The following IL5RA variants were observed in gnomAD, a reference collection of about 807,000 sequenced individuals.
IL5RA encodes interleukin-5 receptor subunit alpha.
IL5RA carries 49 observed loss-of-function variants against 50.0 expected under a neutral mutation model. The observed-to-expected ratio is 0.98, with a 90% CI of 0.78 to 1.24. The LOEUF is 1.24. Among genes scored for constraint, IL5RA ranks in the 50% most tolerant of loss-of-function variants. The pLI is 0.00. For synonymous variants in IL5RA, 202 were observed against 174.0 expected (o/e 1.16, Z -1.26); for missense variants, 600 against 500.4 (o/e 1.20, Z -1.90).
rs533539594 is a variant in IL5RA, at chr3:3,066,428, C to A, written c.*3797G>T. 1.3e-5 allele frequency: 2 copies of A among 152,066 alleles called. No individual in the cohort carries two copies. The highest frequency in any genetic ancestry group is 2.9e-5 in the Non-Finnish European group (2 of 67,996). 9.4% of individuals were successfully genotyped at this position (152,066 alleles called of 1,614,324 possible). On this transcript the variant is annotated 3_prime_UTR_variant, in exon 12 of 12. Transcript: ENST00000446632. ...AGCATGATTGTCTTATAGTACAATA[C>A]AAAATTCCAAAGGAAGGAATGGTTT...
rs761645832 is a variant in IL5RA, at chr3:3,092,313, G to C, written c.905C>G (p.Ser302Cys). ...TGCTCTCACTTGAACATCGTACTTA[G>C]AAAGATCATCAATTATTGAGATGAA... ...NAFISIIDDL[S>C]KYDVQVRAAV... The change falls in exon 9 of 12, where the codon TCT becomes TGT. Residue 302 changes from serine to cysteine, a missense_variant. By Grantham distance (112) the Ser-to-Cys change is moderately radical. Coordinates refer to ENST00000446632, the MANE Select transcript of IL5RA (RefSeq NM_175726.4). The surrounding 1 kb of genome is among the most constrained non-coding windows in gnomAD (Gnocchi z 4.2). 1 of 1,613,910 alleles carries C rather than the reference G, an allele frequency of 6.2e-7. No homozygotes were observed. The highest frequency in any genetic ancestry group is 8.5e-7 in the Non-Finnish European group (1 of 1,179,950).
intron 9 of IL5RA, chr3:3,090,313 C>A: frequency 1.6e-6 from 2 of 1,269,558 alleles, no homozygotes; most frequent in Admixed American, 2.1e-5. Context: ...CTTGTAAAGG[C>A]TGAATGTTAA....
chr3:3,093,256 C>T (rs1207141831), intron 8 of IL5RA, among the ~76,000 whole-genome samples: 1 of 152,140 alleles, frequency 6.6e-6, no homozygotes, highest in African/African-American at 2.4e-5. Context: ...AATTACTTGC[C>T]ACTTGACTGA....
At chr3:3,082,906 T>C (rs567437097) in intron 9 of IL5RA, among the ~76,000 whole-genome samples, 54 of 152,352 alleles carry the variant, frequency 3.5e-4, no homozygotes, top group African/African-American at 1.3e-3. Flanking sequence ...CATATTGATT[T>C]TGAATCTGAT....
Position 3,098,306 on chromosome 3 carries a change from T to C in IL5RA, c.368-16A>G. 1 of 1,610,772 alleles carries C rather than the reference T, an allele frequency of 6.2e-7. No homozygotes were observed. On this transcript the variant is annotated splice_polypyrimidine_tract_variant and intron_variant, in intron 5 of 11. Transcript: ENST00000446632. ...CCAGGAGACCCTAGGTAGTCAAAAG[T>C]AAAAAGGACAAAACATTGCCATGGC...
At chr3:3,090,216 G>T (rs1703028969) in intron 9 of IL5RA, 1 of 1,610,176 alleles carries the variant, frequency 6.2e-7, no homozygotes, top group East Asian at 2.2e-5. Flanking sequence ...ATACGGTGTG[G>T]GGCAGGAAAG....
Position 3,068,408 on chromosome 3 carries a change from C to CA in IL5RA, c.*1816dup, listed in dbSNP as rs373023205. 8.3e-4 allele frequency: 123 copies of CA among 148,788 alleles called. 1 individual carries two copies. The highest frequency in any genetic ancestry group is 1.9e-3 in the South Asian group (9 of 4,656). 9.2% of individuals were successfully genotyped at this position (148,788 alleles called of 1,614,324 possible). A position where few individuals can be genotyped will look rare whatever the true frequency, so the allele number is the denominator to read the frequency against. The stretch of plus-strand genomic sequence containing the variant: ...ACAGCATGGCAAAACCCCAGCTTTA[C>CA]AAAAAAAAATACAAAAAAGAGCTGG... On this transcript the variant is annotated 3_prime_UTR_variant, in exon 12 of 12. Coordinates refer to ENST00000446632, the MANE Select transcript of IL5RA (RefSeq NM_175726.4).
At chr3:3,078,137 A>G (rs1252880239) in intron 9 of IL5RA, among the ~76,000 whole-genome samples, 1 of 152,204 alleles carries the variant, frequency 6.6e-6, no homozygotes, top group African/African-American at 2.4e-5. Flanking sequence ...GTGAGATTTC[A>G]ACCACACCGC....
intron 11 of IL5RA, among the ~76,000 whole-genome samples, chr3:3,072,570 C>T (rs971635580): frequency 6.6e-6 from 1 of 152,128 alleles, no homozygotes; most frequent in Non-Finnish European, 1.5e-5. Context: ...AAATTAGATA[C>T]CAGCATTAAG....
chr3:3,071,295 T>C (rs1286742202), intron 11 of IL5RA, among the ~76,000 whole-genome samples: 1 of 152,142 alleles, frequency 6.6e-6, no homozygotes, highest in African/African-American at 2.4e-5. Context: ...TTGGCCATTG[T>C]AGAAACAAGG....
chr3:3,085,187 A>T (rs1702806828), intron 9 of IL5RA, among the ~76,000 whole-genome samples: 1 of 152,268 alleles, frequency 6.6e-6, no homozygotes, highest in African/African-American at 2.4e-5. Context: ...ACACAGGGAA[A>T]GCAGAACCAC....
At chr3:3,099,441 C>G (rs147732199) in intron 5 of IL5RA, among the ~76,000 whole-genome samples, 2 of 152,090 alleles carry the variant, frequency 1.3e-5, no homozygotes, top group Non-Finnish European at 2.9e-5. Flanking sequence ...CAAGACTGGG[C>G]AACATGGCAA....
chr3:3,104,017 G>T (rs1043037306), intron 3 of IL5RA, among the ~76,000 whole-genome samples: 3 of 152,162 alleles, frequency 2.0e-5, no homozygotes, highest in African/African-American at 7.2e-5. Flanking sequence ...CTGGCAACTT[G>T]TGGCTATTGA....
intron 11 of IL5RA, 86 bp from the exon 12 acceptor site, chr3:3,070,397 A>AT: frequency 2.6e-6 from 2 of 773,722 alleles, no homozygotes; most frequent in Non-Finnish European, 4.4e-6. Flanking sequence ...TAAGTCTATT[A>AT]TTTTTTAAAT....
At chr3:3,084,480 T>G (rs1350533770) in intron 9 of IL5RA, among the ~76,000 whole-genome samples, 1 of 152,232 alleles carries the variant, frequency 6.6e-6, no homozygotes, top group African/African-American at 2.4e-5. Flanking sequence ...ATGAATCTTA[T>G]GAAGAACTTG....
Position 3,070,198 on chromosome 3 carries a change from G to A in IL5RA, c.*27C>T, listed in dbSNP as rs755245125. 1 of 1,478,382 alleles carries A rather than the reference G, an allele frequency of 6.8e-7. No individual in the cohort carries two copies. Among genetic ancestry groups the A allele is most frequent in the East Asian group, 2.3e-5 (1 of 44,144 alleles). The allele number at this position is 1,478,382 out of a possible 1,614,324, so 91.6% of individuals were successfully genotyped here. A position where few individuals can be genotyped will look rare whatever the true frequency, so the allele number is the denominator to read the frequency against. On this transcript the variant is annotated 3_prime_UTR_variant, in exon 12 of 12. Transcript: ENST00000446632. The stretch of plus-strand genomic sequence containing the variant: ...CACTGAGGCACTGAGGCATGTGTGA[G>A]TTCATCAGAGGATGCCAAAGTGACA...
At position 3,098,015 on chromosome 3, in the gene IL5RA, G is replaced by C; in HGVS notation, c.564C>G (p.Asp188Glu). ...WTEECQEYSK[D>E]TLGRNIACWF... ...AGCATGCGATATTTCTCCCCAGTGTGTCTTTGCTGTATTCTTGGCATTCTT... is the reference window on the plus strand; with the variant it reads ...AGCATGCGATATTTCTCCCCAGTGTCTCTTTGCTGTATTCTTGGCATTCTT... The change falls in exon 7 of 12, where the codon GAC (aspartate) becomes GAG (glutamate). Residue 188 changes from aspartate (D) to glutamate (E), a missense_variant. By Grantham distance (45) the Asp-to-Glu change is conservative. Coordinates refer to ENST00000446632, the MANE Select transcript of IL5RA (RefSeq NM_175726.4). The C allele has an allele frequency of 6.2e-7, 1 of 1,614,148 alleles. No individual in the cohort carries two copies. Among genetic ancestry groups the C allele is most frequent in the Non-Finnish European group, 8.5e-7 (1 of 1,180,050 alleles).
intron 11 of IL5RA, chr3:3,073,804 A>G (rs1207910981): frequency 2.2e-6 from 1 of 452,030 alleles, no homozygotes; most frequent in East Asian, 7.0e-5. Context: ...TGAATCTAAG[A>G]TGTATATGAA....
intron 1 of IL5RA, among the ~76,000 whole-genome samples, chr3:3,109,454 C>G (rs144401655): frequency 1.3e-5 from 2 of 152,164 alleles, no homozygotes; most frequent in South Asian, 4.1e-4. Flanking sequence ...ATTTTGGAAG[C>G]TCATTTATTT....
Sources: allele counts gnomAD v4.1 joint callset (sites outside exome capture counted in the v4.1 genomes callset), GRCh38; gene constraint gnomAD v4.1.1; non-coding constraint Gnocchi (gnomAD v3.1); transcripts MANE v1.5; gene names NCBI Gene and HGNC (gene_info 2026-07-23, HGNC 2026-07-21).